NAALADL2: variants seen among roughly 807,000 people sequenced by gnomAD.
NAALADL2 encodes the protein inactive N-acetylated-alpha-linked acidic dipeptidase-like protein 2.
Under a neutral mutation model 87.2 loss-of-function variants are expected in NAALADL2, and 76 were observed. The ratio of observed to expected loss-of-function variants is 0.87; its 90% confidence interval spans 0.72 to 1.05. The LOEUF (loss-of-function observed/expected upper bound fraction) is 1.05. Among genes scored for constraint, NAALADL2 ranks in the 50% least tolerant of loss-of-function variants. The pLI is 0.00. For missense variants in NAALADL2, 1,089 were observed against 945.8 expected, an observed-to-expected ratio of 1.15 and a Z score of -1.99; for synonymous variants, 354 against 331.0, an observed-to-expected ratio of 1.07 and a Z score of -0.75.
intron 1 of NAALADL2, among the ~76,000 whole-genome samples, chr3:175,030,950 C>T (rs1042778437): frequency 2.0e-5 from 3 of 151,762 alleles, no homozygotes; most frequent in Non-Finnish European, 4.4e-5. Flanking sequence ...TTGTGACAAC[C>T]CTGCACCCTG....
At chr3:174,882,737 A>ATGTGTATATACACACG (rs1251411853) in intron 1 of NAALADL2, among the ~76,000 whole-genome samples, 1 of 144,364 alleles carries the variant, frequency 6.9e-6, no homozygotes, top group Non-Finnish European at 1.5e-5. Context: ...ATGTGTATCT[A>ATGTGTATATACACACG]TGTGTATATA....
chr3:175,413,500 G>A (rs1007615651), intron 5 of NAALADL2, among the ~76,000 whole-genome samples: 4 of 149,494 alleles, frequency 2.7e-5, no homozygotes, highest in Admixed American at 6.7e-5. Context: ...AACCCAGGAG[G>A]TGGAGGTTGC....
intron 11 of NAALADL2, among the ~76,000 whole-genome samples, chr3:175,733,245 G>A (rs879448467): frequency 6.6e-5 from 10 of 152,146 alleles, no homozygotes; most frequent in Non-Finnish European, 1.2e-4. Context: ...CCGAAGACAA[G>A]GCAATTTACG....
intron 5 of NAALADL2, among the ~76,000 whole-genome samples, chr3:175,387,717 G>T (rs1209406153): frequency 6.6e-6 from 1 of 151,902 alleles, no homozygotes; most frequent in Admixed American, 6.6e-5. Context: ...TCAGTTTTTG[G>T]AATGCTAATA....
intron 10 of NAALADL2, among the ~76,000 whole-genome samples, chr3:175,621,953 TC>T (rs1726293302): frequency 6.6e-6 from 1 of 152,150 alleles, no homozygotes; most frequent in Non-Finnish European, 1.5e-5. Context: ...ATTATTGAAC[TC>T]ATAGTTTTCT....
At chr3:174,928,994 ATAGT>A (rs1246617418) in intron 1 of NAALADL2, among the ~76,000 whole-genome samples, 1 of 152,222 alleles carries the variant, frequency 6.6e-6, no homozygotes, top group Admixed American at 6.5e-5. Flanking sequence ...CTAATAAGAA[ATAGT>A]TAATTAGATA....
intron 5 of NAALADL2, among the ~76,000 whole-genome samples, chr3:175,433,442 C>T (rs2149170258): frequency 6.6e-6 from 1 of 152,142 alleles, no homozygotes; most frequent in East Asian, 1.9e-4. Context: ...GATGACTGTG[C>T]ATAGGGCTAT....
intron 13 of NAALADL2, chr3:175,775,303 T>A (rs1267093929): frequency 6.6e-6 from 1 of 152,078 alleles, no homozygotes; most frequent in Non-Finnish European, 1.5e-5. Context: ...GAATGTAAAT[T>A]CGTTCATCTG....
intron 2 of NAALADL2, among the ~76,000 whole-genome samples, chr3:175,108,290 G>A (rs1580488417): frequency 6.6e-6 from 1 of 151,870 alleles, no homozygotes; most frequent in East Asian, 1.9e-4. Flanking sequence ...GCAGCTTTCA[G>A]TATTAGAAAT....
intron 11 of NAALADL2, among the ~76,000 whole-genome samples, chr3:175,645,920 A>G (rs971268383): frequency 1.3e-5 from 2 of 152,152 alleles, no homozygotes; most frequent in Non-Finnish European, 2.9e-5. Flanking sequence ...ACAGCATCAG[A>G]CAGTAGAGCT....
At chr3:175,739,415 A>T (rs1381883061) in intron 12 of NAALADL2, among the ~76,000 whole-genome samples, 1 of 152,226 alleles carries the variant, frequency 6.6e-6, no homozygotes, top group African/African-American at 2.4e-5. Context: ...TCCACATTAT[A>T]ACCACTATAT....
At chr3:175,543,270 G>A (rs1025484376) in intron 9 of NAALADL2, among the ~76,000 whole-genome samples, 4 of 152,044 alleles carry the variant, frequency 2.6e-5, no homozygotes, top group African/African-American at 7.2e-5. Context: ...GACACCACAA[G>A]AATGTCTTGT....
At chr3:174,712,681 C>T (rs987022764) in intron 2 of NAALADL2, among the ~76,000 whole-genome samples, 31 of 152,002 alleles carry the variant, frequency 2.0e-4, no homozygotes, top group Admixed American at 6.6e-4. Context: ...CTACCGCGCT[C>T]GGCCTCACTT....
intron 3 of NAALADL2, among the ~76,000 whole-genome samples, chr3:174,755,026 A>G (rs1014793156): frequency 6.6e-6 from 1 of 152,202 alleles, no homozygotes; most frequent in Non-Finnish European, 1.5e-5. Flanking sequence ...CTCGTCTTGA[A>G]TTATAATCCC....
At chr3:175,053,188 C>G (rs1755640880) in intron 1 of NAALADL2, among the ~76,000 whole-genome samples, 1 of 152,092 alleles carries the variant, frequency 6.6e-6, no homozygotes, top group African/African-American at 2.4e-5. Context: ...GTAACTATGT[C>G]ATAGAGTGAT....
intron 1 of NAALADL2, among the ~76,000 whole-genome samples, chr3:174,977,129 G>A (rs1239087248): frequency 6.6e-6 from 1 of 152,172 alleles, no homozygotes; most frequent in Non-Finnish European, 1.5e-5. Context: ...AATGAAATAA[G>A]CCAGGCCCAG....
chr3:175,705,473 A>G (rs897330864), intron 11 of NAALADL2, among the ~76,000 whole-genome samples: 2 of 152,166 alleles, frequency 1.3e-5, no homozygotes, highest in Admixed American at 1.3e-4. Context: ...TACCTCACAA[A>G]CAAGTATTTT....
intron 11 of NAALADL2, among the ~76,000 whole-genome samples, chr3:175,711,130 TAGAA>T (rs1740475259): frequency 6.6e-6 from 1 of 151,916 alleles, no homozygotes; most frequent in Non-Finnish European, 1.5e-5. Context: ...TGAGAAATGA[TAGAA>T]AGACCAGAGC....
At chr3:174,947,572 G>A (rs1278769531) in intron 1 of NAALADL2, among the ~76,000 whole-genome samples, 1 of 152,022 alleles carries the variant, frequency 6.6e-6, no homozygotes, top group Non-Finnish European at 1.5e-5. Flanking sequence ...CAGTGAAAAT[G>A]GAATTTAGGA....
Sources: allele counts gnomAD v4.1 joint callset (sites outside exome capture counted in the v4.1 genomes callset), GRCh38; gene constraint gnomAD v4.1.1; transcripts MANE v1.5; gene names NCBI Gene and HGNC (gene_info 2026-07-23, HGNC 2026-07-21).